The following STAG1 variants were observed in gnomAD, a reference collection of about 807,000 sequenced individuals.
STAG1 encodes STAG1 cohesin complex component, also known as cohesin subunit SA-1.
A neutral mutation model predicts 170.9 loss-of-function variants in STAG1; 26 were observed. The observed-to-expected ratio is 0.15, with a 90% CI of 0.11 to 0.21. STAG1 has a LOEUF of 0.21. Among genes scored for constraint, STAG1 ranks in the 10% least tolerant of loss-of-function variants. The pLI is 1.00. For missense variants in STAG1, 964 were observed against 1,509.5 expected, an observed-to-expected ratio of 0.64 and a Z score of 5.99; for synonymous variants, 514 against 497.7, an observed-to-expected ratio of 1.03 and a Z score of -0.44.
intron 1 of STAG1, among the ~76,000 whole-genome samples, chr3:136,735,900 G>A (rs1025445073): frequency 6.6e-6 from 1 of 152,254 alleles, no homozygotes; most frequent in African/African-American, 2.4e-5. Flanking sequence ...TTTGGAAAGT[G>A]AAAGGTTGGG....
At position 136,498,239 on chromosome 3, in the gene STAG1, T is replaced by C. The variant is rs183125927; in HGVS notation, c.902+1984A>G. 2.2e-3 allele frequency among the ~76,000 whole-genome samples: 105 copies of C among 48,712 alleles called. 3 individuals carry two copies. The highest frequency in any genetic ancestry group is 6.3e-3 in the East Asian group (12 of 1,898). The allele number at this position is 48,712 out of a possible 152,430, so 32.0% of individuals were successfully genotyped here. On this transcript the variant is annotated intron_variant, in intron 9 of 33. Coordinates refer to ENST00000383202, the MANE Select transcript of STAG1 (RefSeq NM_005862.3). ...ATATATATATATATATATATACACA[T>C]ACATATACATACACACACACACACA...
In STAG1 at chr3:136,671,055, C is replaced by T. The variant is rs148694462; in HGVS notation, c.-83-40074G>A. On this transcript the variant is annotated intron_variant, in intron 1 of 33. Coordinates refer to ENST00000383202, the MANE Select transcript of STAG1 (RefSeq NM_005862.3). Reference sequence around the variant, plus strand: ...ATCCCAGCACTTTGGGAGGCCGAGGCGGGCAGATCACTTGAGGTCAAGACT... The same window carrying T: ...ATCCCAGCACTTTGGGAGGCCGAGGTGGGCAGATCACTTGAGGTCAAGACT... 9.9e-4 allele frequency among the ~76,000 whole-genome samples: 150 copies of T among 152,004 alleles called. 1 individual carries two copies. Among genetic ancestry groups the T allele is most frequent in the African/African-American group, 3.5e-3 (146 of 41,472 alleles).
chr3:136,569,262 A>G (rs1937182674), intron 4 of STAG1, among the ~76,000 whole-genome samples: 1 of 152,134 alleles, frequency 6.6e-6, no homozygotes, highest in African/African-American at 2.4e-5. Flanking sequence ...AATGCAAATA[A>G]TAAGAGGCAT....
chr3:136,396,037 GA>G (rs1478626374), intron 22 of STAG1, among the ~76,000 whole-genome samples: 1 of 152,046 alleles, frequency 6.6e-6, no homozygotes, highest in East Asian at 1.9e-4. Flanking sequence ...CAAGTAACTG[GA>G]ATTACAGATG....
rs986831289 is a variant in STAG1 at position 136,338,050 on chromosome 3, T to A, written c.*204A>T. On this transcript the variant is annotated 3_prime_UTR_variant, in exon 34 of 34. Coordinates refer to ENST00000383202, the MANE Select transcript of STAG1 (RefSeq NM_005862.3). ...GACACAAATGATTTTCAGGTCAGTC[T>A]TTCTGAGTTGACATTCACCAACATT... 3.6e-6 allele frequency: 2 copies of A among 556,714 alleles called. No homozygotes were observed. The highest frequency in any genetic ancestry group is 6.9e-5 in the Admixed American group (2 of 29,052). 34.5% of individuals were successfully genotyped at this position (556,714 alleles called of 1,614,324 possible). A position where few individuals can be genotyped will look rare whatever the true frequency, so the allele number is the denominator to read the frequency against.
Position 136,337,624 on chromosome 3 carries a change from A to T in STAG1, c.*630T>A, listed in dbSNP as rs1013107610. The T allele has an allele frequency of 6.6e-6, 1 of 152,662 alleles. No individual in the cohort carries two copies. Among genetic ancestry groups the T allele is most frequent in the Admixed American group, 6.5e-5 (1 of 15,286 alleles). The allele number at this position is 152,662 out of a possible 1,614,324, so 9.5% of individuals were successfully genotyped here. A position where few individuals can be genotyped will look rare whatever the true frequency, so the allele number is the denominator to read the frequency against. On this transcript the variant is annotated 3_prime_UTR_variant, in exon 34 of 34. Coordinates refer to ENST00000383202, the MANE Select transcript of STAG1 (RefSeq NM_005862.3). ...GAGTATATAAAATCTGGGAATTCAT[A>T]TCCATATCCACAGAGGGTGTGTGGT...
chr3:136,683,234 C>G, intron 1 of STAG1, among the ~76,000 whole-genome samples: 1 of 151,292 alleles, frequency 6.6e-6, no homozygotes, highest in Non-Finnish European at 1.5e-5. Flanking sequence ...TTAAAAATAA[C>G]TAAGATAGTA....
intron 16 of STAG1, among the ~76,000 whole-genome samples, chr3:136,425,772 T>C (rs533995939): frequency 1.3e-5 from 2 of 149,704 alleles, no homozygotes; most frequent in African/African-American, 2.4e-5. Context: ...AAGAAGAAGA[T>C]ATGTGAAAAG....
chr3:136,378,654 C>CAAG (rs754635869), intron 22 of STAG1, among the ~76,000 whole-genome samples: 17 of 152,140 alleles, frequency 1.1e-4, no homozygotes, highest in Admixed American at 4.6e-4. Flanking sequence ...GGTGACAGAG[C>CAAG]AAGACCCTGG....
chr3:136,702,061 C>G (rs1943079338), intron 1 of STAG1, among the ~76,000 whole-genome samples: 1 of 144,778 alleles, frequency 6.9e-6, no homozygotes, highest in Non-Finnish European at 1.5e-5. Flanking sequence ...TACAGGCATG[C>G]ACCACCATGC....
chr3:136,557,546 CTTAT>C (rs956058834), intron 5 of STAG1, among the ~76,000 whole-genome samples: 2 of 151,938 alleles, frequency 1.3e-5, no homozygotes, highest in Non-Finnish European at 2.9e-5. Context: ...TTTATTTTCA[CTTAT>C]TTATTTTTTT....
chr3:136,719,507 T>G (rs1933079762), intron 1 of STAG1, among the ~76,000 whole-genome samples: 1 of 151,754 alleles, frequency 6.6e-6, no homozygotes. Context: ...GTTATGTAAA[T>G]TATACCTCAA....
chr3:136,569,335 G>A (rs554715914), intron 4 of STAG1, among the ~76,000 whole-genome samples: 2 of 145,960 alleles, frequency 1.4e-5, no homozygotes, highest in South Asian at 4.4e-4. Context: ...TATCAACAAA[G>A]TGAAAAAGAA....
At chr3:136,369,367 CAT>C (rs1479871577) in intron 23 of STAG1, 85 bp from the exon 24 acceptor site, 24 of 1,150,710 alleles carry the variant, frequency 2.1e-5, no homozygotes, top group Non-Finnish European at 2.9e-5. Flanking sequence ...GAAATTAAAA[CAT>C]AGTTTAATAG....
At chr3:136,653,925 G>C (rs1576719744) in intron 1 of STAG1, among the ~76,000 whole-genome samples, 1 of 152,124 alleles carries the variant, frequency 6.6e-6, no homozygotes. Context: ...AAAGGTATGA[G>C]AGAATTCAAT....
rs545932098 is a variant in STAG1, at chr3:136,548,764, C to A, written c.395-6569G>T. ...TATGGTTTGGGTCTGTGTCCCCACTCAAATCTCATGTCAAATTGTAATCCC... is the reference window on the plus strand; with the variant it reads ...TATGGTTTGGGTCTGTGTCCCCACTAAAATCTCATGTCAAATTGTAATCCC... On this transcript the variant is annotated intron_variant, in intron 5 of 33. Coordinates refer to ENST00000383202, the MANE Select transcript of STAG1 (RefSeq NM_005862.3). 2.0e-5 allele frequency among the ~76,000 whole-genome samples: 3 copies of A among 152,256 alleles called. No individual in the cohort carries two copies. The East Asian group carries it at 5.8e-4, about 29-fold the overall frequency.
At chr3:136,428,694 T>C (rs1315560159) in intron 16 of STAG1, among the ~76,000 whole-genome samples, 1 of 152,230 alleles carries the variant, frequency 6.6e-6, no homozygotes, top group African/African-American at 2.4e-5. Flanking sequence ...AAATACCTGT[T>C]GGAGAAAACT....
intron 10 of STAG1, among the ~76,000 whole-genome samples, 164 bp from the exon 11 acceptor site, chr3:136,473,801 T>C (rs1203925171): frequency 1.3e-5 from 2 of 148,600 alleles, no homozygotes; most frequent in Middle Eastern, 6.9e-3. Flanking sequence ...TGCCCTTATA[T>C]GTAAAAAAAA....
intron 5 of STAG1, among the ~76,000 whole-genome samples, chr3:136,545,564 T>C (rs1936120524): frequency 6.6e-6 from 1 of 152,166 alleles, no homozygotes; most frequent in Non-Finnish European, 1.5e-5. Flanking sequence ...AGTTACCTAG[T>C]AATGCAGTGA....
Sources: allele counts gnomAD v4.1 joint callset (sites outside exome capture counted in the v4.1 genomes callset), GRCh38; gene constraint gnomAD v4.1.1; transcripts MANE v1.5; gene names NCBI Gene and HGNC (gene_info 2026-07-23, HGNC 2026-07-21).